The following SORCS2 variants were observed in gnomAD, a reference collection of about 807,000 sequenced individuals.
SORCS2 encodes sortilin related VPS10 domain containing receptor 2.
In SORCS2, 100 loss-of-function variants were observed where a neutral mutation model predicts 141.6. The ratio of observed to expected loss-of-function variants is 0.71; its 90% CI spans 0.60 to 0.83. The LOEUF is 0.83. Ranked by LOEUF, SORCS2 falls within the 40% of genes least tolerant of loss-of-function variation. The probability of loss-of-function intolerance (pLI) is 0.00; values close to 1 mark genes in which losing one functional copy is unlikely to be tolerated. For synonymous variants in SORCS2, 789 were observed against 676.9 expected (o/e 1.17, Z -2.57); for missense variants, 1,646 against 1,560.2 (o/e 1.05, Z -0.93).
intron 2 of SORCS2, among the ~76,000 whole-genome samples, chr4:7,466,878 T>C (rs1379129031): frequency 1.3e-5 from 2 of 152,098 alleles, no homozygotes; most frequent in Admixed American, 6.5e-5. Context: ...CTATTTGCCA[T>C]GTGCTTGGAC....
At chr4:7,515,236 C>A (rs758524877) in intron 2 of SORCS2, among the ~76,000 whole-genome samples, 2 of 152,218 alleles carry the variant, frequency 1.3e-5, no homozygotes, top group Non-Finnish European at 2.9e-5. Context: ...AGCTCAAGGT[C>A]ACACAGCTTG....
intron 12 of SORCS2, among the ~76,000 whole-genome samples, chr4:7,700,387 C>A (rs951501110): frequency 6.6e-6 from 1 of 152,182 alleles, no homozygotes; most frequent in African/African-American, 2.4e-5. Context: ...GATGATCTGC[C>A]TCCTTGGGGG....
intron 1 of SORCS2, among the ~76,000 whole-genome samples, chr4:7,344,381 C>T (rs564065814): frequency 6.6e-6 from 1 of 152,220 alleles, no homozygotes; most frequent in Non-Finnish European, 1.5e-5. Context: ...AAACCAGGCG[C>T]CCTGCCTAGC....
intron 1 of SORCS2, among the ~76,000 whole-genome samples, chr4:7,317,182 A>G (rs9884493): frequency 0.015 from 2,245 of 152,256 alleles, 61 homozygotes; most frequent in African/African-American, 0.052. Flanking sequence ...GTGTTGAAGG[A>G]TGGGAACCCT....
intron 2 of SORCS2, among the ~76,000 whole-genome samples, chr4:7,426,104 T>C (rs11733360): frequency 0.2 from 30,440 of 152,206 alleles, 3,612 homozygotes; most frequent in Non-Finnish European, 0.26. Context: ...CATCAGTGTA[T>C]GTCCTCCCGA....
intron 3 of SORCS2, among the ~76,000 whole-genome samples, chr4:7,563,580 G>A (rs1179757534): frequency 6.6e-6 from 1 of 152,174 alleles, no homozygotes; most frequent in African/African-American, 2.4e-5. Flanking sequence ...GTTTGGAGGG[G>A]AATCTGACCC....
chr4:7,505,750 G>A (rs1419114065), intron 2 of SORCS2, among the ~76,000 whole-genome samples: 3 of 152,124 alleles, frequency 2.0e-5, no homozygotes, highest in Non-Finnish European at 4.4e-5. Flanking sequence ...TGAGAAGCCT[G>A]GCCCTTCCTC....
intron 1 of SORCS2, among the ~76,000 whole-genome samples, chr4:7,279,875 A>C (rs1417126803): frequency 1.4e-5 from 2 of 139,434 alleles, no homozygotes; most frequent in Non-Finnish European, 3.1e-5. Context: ...CCCCCCAATT[A>C]ATCCACTGTG....
chr4:7,398,289 C>T (rs1381876762), intron 2 of SORCS2, among the ~76,000 whole-genome samples: 2 of 152,132 alleles, frequency 1.3e-5, no homozygotes, highest in African/African-American at 4.8e-5. Context: ...CACAGCTGCT[C>T]CAAGGGTGGG....
At chr4:7,412,543 C>T (rs1262641795) in intron 2 of SORCS2, among the ~76,000 whole-genome samples, 1 of 152,136 alleles carries the variant, frequency 6.6e-6, no homozygotes, top group Non-Finnish European at 1.5e-5. Context: ...GGGACAGATG[C>T]TCAGTGGAGA....
At chr4:7,280,408 A>G (rs1211959577) in intron 1 of SORCS2, among the ~76,000 whole-genome samples, 1 of 152,216 alleles carries the variant, frequency 6.6e-6, no homozygotes, top group African/African-American at 2.4e-5. Context: ...TGTTGTTAAC[A>G]TTTCCAGAAT....
intron 1 of SORCS2, among the ~76,000 whole-genome samples, chr4:7,352,274 G>A (rs1489922026): frequency 1.3e-5 from 2 of 152,380 alleles, no homozygotes; most frequent in East Asian, 3.9e-4. Context: ...GAACTGAGGT[G>A]CCTGGCGTAT....
At chr4:7,554,624 A>G (rs1265290847) in intron 3 of SORCS2, among the ~76,000 whole-genome samples, 4 of 152,212 alleles carry the variant, frequency 2.6e-5, no homozygotes, top group African/African-American at 9.7e-5. Flanking sequence ...AGAATGATGA[A>G]AAAGATGACT....
chr4:7,365,317 G>A (rs1470002342), intron 1 of SORCS2, among the ~76,000 whole-genome samples: 2 of 152,098 alleles, frequency 1.3e-5, no homozygotes, highest in African/African-American at 2.4e-5. Context: ...GAGTTCAGGA[G>A]GGCGCAAGGT....
At chr4:7,634,874 CCATCCGATGCCCAGAAAAA>C in intron 3 of SORCS2, among the ~76,000 whole-genome samples, 1 of 152,322 alleles carries the variant, frequency 6.6e-6, no homozygotes, top group South Asian at 2.1e-4. Flanking sequence ...ACCCACAACC[CCATCCGATGCCCAGAAAAA>C]CATCAGACAG....
intron 1 of SORCS2, among the ~76,000 whole-genome samples, chr4:7,267,902 G>A (rs73799436): frequency 0.044 from 6,645 of 152,320 alleles, 483 homozygotes; most frequent in African/African-American, 0.15. Flanking sequence ...GTGATGAGAC[G>A]AGCAGCTCCT....
chr4:7,203,402 C>T (rs1577270791), intron 1 of SORCS2, among the ~76,000 whole-genome samples: 1 of 152,186 alleles, frequency 6.6e-6, no homozygotes, highest in Non-Finnish European at 1.5e-5. Context: ...CTGGCCTGGG[C>T]GACAGAGCAA....
chr4:7,581,237 A>G (rs1013740813), intron 3 of SORCS2, among the ~76,000 whole-genome samples: 25 of 151,520 alleles, frequency 1.6e-4, no homozygotes, highest in Admixed American at 1.5e-3. Flanking sequence ...TATAAATTAT[A>G]ATATAAATTC....
At chr4:7,245,143 C>T (rs1712997103) in intron 1 of SORCS2, among the ~76,000 whole-genome samples, 1 of 152,182 alleles carries the variant, frequency 6.6e-6, no homozygotes, top group Non-Finnish European at 1.5e-5. Flanking sequence ...CTTCCCCCTT[C>T]CCCCTGGAAG....
Sources: allele counts gnomAD v4.1 joint callset (sites outside exome capture counted in the v4.1 genomes callset), GRCh38; gene constraint gnomAD v4.1.1; transcripts MANE v1.5; gene names NCBI Gene and HGNC (gene_info 2026-07-23, HGNC 2026-07-21).